RET: variants seen among roughly 807,000 people sequenced by gnomAD.
RET encodes the protein ret proto-oncogene, also known as proto-oncogene tyrosine-protein kinase receptor Ret.
Under a neutral mutation model 118.3 loss-of-function variants are expected in RET, and 19 were observed. The observed-to-expected ratio is 0.16, with a 90% CI of 0.11 to 0.24. RET has a LOEUF of 0.24. Among genes scored for constraint, RET ranks in the 10% least tolerant of loss-of-function variants. The pLI, the probability that RET is intolerant of heterozygous loss-of-function variation, is 1.00. For synonymous variants in RET, 597 were observed against 644.1 expected, an observed-to-expected ratio of 0.93 and a Z score of 1.11; for missense variants, 1,219 against 1,502.1, an observed-to-expected ratio of 0.81 and a Z score of 3.12.
chr10:43,082,324 G>T (rs539701769), intron 1 of RET, among the ~76,000 whole-genome samples: 1 of 152,312 alleles, frequency 6.6e-6, no homozygotes, highest in South Asian at 2.1e-4. Flanking sequence ...CAGGTGGCCA[G>T]CTCCAAGCAA....
chr10:43,099,883 C>T (rs997557093), intron 1 of RET, among the ~76,000 whole-genome samples: 74 of 152,244 alleles, frequency 4.9e-4, no homozygotes, highest in African/African-American at 1.7e-3. Flanking sequence ...GGGCAGGATT[C>T]TGTGGCATGG....
chr10:43,107,425 C>T (rs1384638007), intron 5 of RET, among the ~76,000 whole-genome samples: 1 of 152,150 alleles, frequency 6.6e-6, no homozygotes, highest in African/African-American at 2.4e-5. Flanking sequence ...AGGGCTTGGC[C>T]TGCGGGGTCA....
At chr10:43,127,680 C>G (rs565070091) in intron 19 of RET, among the ~76,000 whole-genome samples, 1 of 152,040 alleles carries the variant, frequency 6.6e-6, no homozygotes, top group African/African-American at 2.4e-5. Context: ...CCGTGTGCAC[C>G]CTCGATTTGG....
At chr10:43,084,453 C>T (rs1315229484) in intron 1 of RET, among the ~76,000 whole-genome samples, 4 of 152,208 alleles carry the variant, frequency 2.6e-5, no homozygotes, top group Non-Finnish European at 5.9e-5. Flanking sequence ...TGCCTTTCCC[C>T]GGTGATGGCG....
rs780578577 is a variant in RET, at chr10:43,126,708, A to G, written c.3173A>G (p.Glu1058Gly). The change falls in exon 19 of 20, where the codon GAA (glutamate) becomes GGA (glycine). Residue 1058 changes from glutamate to glycine, a missense_variant. Coordinates refer to ENST00000355710, the MANE Select transcript of RET (RefSeq NM_020975.6). ...LPRALPSTWIENKLYGMSDPN... is the reference protein window; with the variant it reads ...LPRALPSTWIGNKLYGMSDPN... ...CGAGCCCTCCCTTCCACATGGATTG[A>G]AAACAAACTCTATGGTAGAATTTCC... 14 of 1,613,886 alleles carry G rather than the reference A, an allele frequency of 8.7e-6. No individual in the cohort carries two copies. The highest frequency in any genetic ancestry group is 1.7e-5 in the Admixed American group (1 of 59,994).
At chr10:43,116,032 G>A (rs1185059673) in intron 11 of RET, among the ~76,000 whole-genome samples, 1 of 152,190 alleles carries the variant, frequency 6.6e-6, no homozygotes, top group East Asian at 1.9e-4. Context: ...GGCCAGGGTG[G>A]GGGTCTGGGA....
chr10:43,094,404 C>CAT (rs1427272150), intron 1 of RET, among the ~76,000 whole-genome samples: 2 of 152,272 alleles, frequency 1.3e-5, no homozygotes, highest in Admixed American at 1.3e-4. Context: ...GCTCTACACA[C>CAT]ATGCCCTACG....
chr10:43,111,480 C>CAGGG lies in RET; in HGVS notation c.1522+24_1522+27dup. ...GGAGGGGTCATGTGAGTGCCTGCTCCAGGGAGGGAGGGTCGGGGTCCTGGG... is the reference window on the plus strand; with the variant it reads ...GGAGGGGTCATGTGAGTGCCTGCTCCAGGGAGGGAGGGAGGGTCGGGGTCCTGGG... On this transcript the variant is annotated intron_variant, in intron 7 of 19. Transcript: ENST00000355710. 1 of 1,605,850 alleles carries CAGGG rather than the reference C, an allele frequency of 6.2e-7. No individual in the cohort carries two copies. The highest frequency in any genetic ancestry group is 1.1e-5 in the South Asian group (1 of 90,816).
intron 3 of RET, chr10:43,102,894 G>A (rs952847053): frequency 1.8e-6 from 1 of 561,688 alleles, no homozygotes; most frequent in African/African-American, 1.9e-5. Context: ...AGCATGCCAA[G>A]GAAATCAGGT....
rs1025980169 is a variant in RET at position 43,077,079 on chromosome 10, C to G, written c.-180C>G. 1 of 968,852 alleles carries G rather than the reference C, an allele frequency of 1.0e-6. No homozygotes were observed. The highest frequency in any genetic ancestry group is 1.7e-5 in the African/African-American group (1 of 58,122). 60.0% of individuals were successfully genotyped at this position (968,852 alleles called of 1,614,324 possible). A position where few individuals can be genotyped will look rare whatever the true frequency, so the allele number is the denominator to read the frequency against. Reference sequence around the variant, plus strand: ...CGCTTACCTCGCTTCAGTCCCGCGACCGAAGCAGGGCGCGCAGCAGCGCTG... The same window carrying G: ...CGCTTACCTCGCTTCAGTCCCGCGAGCGAAGCAGGGCGCGCAGCAGCGCTG... On this transcript the variant is annotated 5_prime_UTR_variant, in exon 1 of 20. Coordinates refer to ENST00000355710, the MANE Select transcript of RET (RefSeq NM_020975.6).
At chr10:43,109,547 G>A (rs1349610755) in intron 6 of RET, among the ~76,000 whole-genome samples, 1 of 152,336 alleles carries the variant, frequency 6.6e-6, no homozygotes, top group South Asian at 2.1e-4. Flanking sequence ...CTTCCTGGTG[G>A]ATTGGTGAGA....
rs534288427 is a variant in RET at position 43,095,463 on chromosome 10, G to T, written c.74-4996G>T. Among the ~76,000 whole-genome samples, 264 of 152,342 alleles carry T rather than the reference G, an allele frequency of 1.7e-3. 2 individuals carry two copies. The highest frequency in any genetic ancestry group is 7.4e-4 in the Non-Finnish European group (50 of 68,022). On this transcript the variant is annotated intron_variant, in intron 1 of 19. Coordinates refer to ENST00000355710, the MANE Select transcript of RET (RefSeq NM_020975.6). ...ACCTGCTCCAGGCCCGCCTGGGCAT[G>T]AGAACATGCACACCTGGACGGAGTG...
intron 1 of RET, among the ~76,000 whole-genome samples, chr10:43,079,720 G>T (rs1378277519): frequency 6.6e-6 from 1 of 152,152 alleles, no homozygotes; most frequent in Non-Finnish European, 1.5e-5. Context: ...CAGCATGGAA[G>T]AGCTGGGCAC....
In RET at chr10:43,128,151, C is replaced by T; in HGVS notation, c.3227C>T (p.Pro1076Leu). 1 of 1,614,128 alleles carries T rather than the reference C, an allele frequency of 6.2e-7. No homozygotes were observed. The highest frequency in any genetic ancestry group is 8.5e-7 in the Non-Finnish European group (1 of 1,180,028). Residue 1076 changes from proline to leucine, a missense_variant, in exon 20 of 20, where the codon CCA becomes CTA. Coordinates refer to ENST00000355710, the MANE Select transcript of RET (RefSeq NM_020975.6). ...DPNWPGESPVPLTRADGTNTG... is the reference protein window; with the variant it reads ...DPNWPGESPVLLTRADGTNTG... ...AACTGGCCTGGAGAGAGTCCTGTAC[C>T]ACTCACGAGAGCTGATGGCACTAAC...
At chr10:43,081,171 C>G (rs1837171583) in intron 1 of RET, among the ~76,000 whole-genome samples, 1 of 151,766 alleles carries the variant, frequency 6.6e-6, no homozygotes, top group African/African-American at 2.4e-5. Context: ...GAGCCCCTCC[C>G]CCAGAAGTGG....
chr10:43,102,235 G>T, intron 2 of RET, 107 bp from the exon 3 acceptor site: 2 of 1,411,138 alleles, frequency 1.4e-6, no homozygotes, highest in South Asian at 1.2e-5. Context: ...TGTGGACCTT[G>T]GTGGGGACCA....
chr10:43,090,349 G>T (rs893297131), intron 1 of RET, among the ~76,000 whole-genome samples: 1 of 152,204 alleles, frequency 6.6e-6, no homozygotes. Flanking sequence ...GTGGCTGCCC[G>T]GGAGCCTCTT....
At chr10:43,121,893 C>T (rs2132983015) in intron 15 of RET, 53 bp from the exon 16 acceptor site, 1 of 1,412,584 alleles carries the variant, frequency 7.1e-7, no homozygotes, top group Non-Finnish European at 1.0e-6. Flanking sequence ...CTTTACCCCT[C>T]CTTCCTAGAG....
At chr10:43,094,479 A>G (rs1331609593) in intron 1 of RET, among the ~76,000 whole-genome samples, 5 of 152,196 alleles carry the variant, frequency 3.3e-5, no homozygotes, top group African/African-American at 9.7e-5. Context: ...TGGAAGTCCC[A>G]AATTTCGGCC....
Sources: gnomAD v4.1 joint callset for allele counts (sites outside exome capture counted in the v4.1 genomes callset) on GRCh38, gnomAD v4.1.1 for gene constraint, MANE v1.5 for transcripts, NCBI Gene and HGNC (gene_info 2026-07-23, HGNC 2026-07-21) for gene names.